Variants in DNAH1 observed in about 807,000 individuals in gnomAD.
DNAH1 encodes dynein axonemal heavy chain 1, also known as axonemal beta dynein heavy chain 1.
In DNAH1, 327 loss-of-function variants were observed where a neutral mutation model predicts 484.3. That is an observed-to-expected ratio of 0.68 (90% CI 0.62 to 0.74). The LOEUF (loss-of-function observed/expected upper bound fraction) is 0.74. Ranked by LOEUF, DNAH1 falls within the 30% of genes least tolerant of loss-of-function variation. DNAH1 has a pLI of 0.00. For missense variants in DNAH1, 5,052 were observed against 5,546.8 expected (o/e 0.91, Z 2.83); for synonymous variants, 2,192 against 2,191.9 (o/e 1.00, Z 0.00).
Position 52,388,333 on chromosome 3 carries a change from G to T in DNAH1, c.9170G>T (p.Arg3057Leu). Residue 3057 changes from arginine (R) to leucine (L), a missense_variant and splice_region_variant, in exon 57 of 78, where the codon CGG becomes CTG. By Grantham distance (102) the Arg-to-Leu change is moderately radical (BLOSUM62 -2). Around this residue, in one of 4 missense-constraint regions of DNAH1, gnomAD observed 2,929 missense variants for 3,409.4 expected, o/e 0.86. Coordinates refer to ENST00000420323, the MANE Select transcript of DNAH1 (RefSeq NM_015512.5). The part of the protein sequence containing the change: ...HFVAKAVEPK[R>L]QALLEAQDDL... ...GTGGCCAAGGCCGTGGAGCCCAAGC[G>T]GGTGAGGGCTGAGTGGAGCTGGTGG... The T allele has an allele frequency of 6.2e-7, 1 of 1,602,748 alleles. No individual in the cohort carries two copies.
chr3:52,345,585 C>T lies in DNAH1; in HGVS notation c.1535C>T (p.Ala512Val), dbSNP rs1457614654. The change falls in exon 10 of 78, where the codon GCC (alanine) becomes GTC (valine). Residue 512 changes from alanine to valine, a missense_variant. Ala to Val is a moderately conservative substitution (Grantham distance 64). This residue lies in a region of DNAH1 where 1,263 missense variants were observed against 1,218.8 expected (regional missense o/e 1.04). Transcript: ENST00000420323. ...SLLTRPEVIT[A>V]LSKVRAECNK... is the part of the protein sequence containing the mutation. ...CTCACACGGCCAGAGGTCATCACGG[C>T]CCTCAGCAAGGTGAGGGCCGAGTGC... The T allele has an allele frequency of 6.2e-7, 1 of 1,603,352 alleles. No homozygotes were observed. The highest frequency in any genetic ancestry group is 2.3e-5 in the East Asian group (1 of 44,366).
intron 5 of DNAH1, among the ~76,000 whole-genome samples, chr3:52,327,157 C>T (rs1701376870): frequency 6.6e-6 from 1 of 151,958 alleles, no homozygotes; most frequent in Admixed American, 6.6e-5. Context: ...CCGTGCCACC[C>T]ATGGGCAACC....
chr3:52,321,703 G>T (rs1003911257), intron 1 of DNAH1: 2 of 152,262 alleles, frequency 1.3e-5, no homozygotes, highest in African/African-American at 4.8e-5. Context: ...CATAAGACGG[G>T]AGGGTATACG....
intron 44 of DNAH1, 53 bp downstream of exon 44, chr3:52,373,106 G>T: frequency 1.3e-6 from 2 of 1,532,812 alleles, no homozygotes; most frequent in Non-Finnish European, 1.8e-6. Context: ...GCTGTGCAGG[G>T]GCACAGGAGG....
In DNAH1 at chr3:52,349,873, T is replaced by G. The variant is rs150089189; in HGVS notation, c.2527-116T>G. 126 of 1,404,042 alleles carry G rather than the reference T, an allele frequency of 9.0e-5. 2 individuals carry two copies. In the African/African-American group the frequency reaches 1.5e-3, roughly 16 times the overall value. The allele number at this position is 1,404,042 out of a possible 1,614,324, so 87.0% of individuals were successfully genotyped here. A position where few individuals can be genotyped will look rare whatever the true frequency, so the allele number is the denominator to read the frequency against. On this transcript the variant is annotated intron_variant, in intron 14 of 77. Coordinates refer to ENST00000420323, the MANE Select transcript of DNAH1 (RefSeq NM_015512.5). Reference sequence around the variant, plus strand: ...CCTCTTGGAAAGCGCCGCAGGATGTTGTGGTGGAGGGGACAGTTACCTGTC... The same window carrying G: ...CCTCTTGGAAAGCGCCGCAGGATGTGGTGGTGGAGGGGACAGTTACCTGTC...
rs1160795014 is a variant in DNAH1, at chr3:52,342,519, G to A, written c.1287-1971G>A. Among the ~76,000 whole-genome samples, 12 of 152,286 alleles carry A rather than the reference G, an allele frequency of 7.9e-5. 1 individual carries two copies. Among genetic ancestry groups the A allele is most frequent in the Middle Eastern group, 3.4e-3 (1 of 294 alleles). The stretch of plus-strand genomic sequence containing the variant: ...GAGATATATTTGAGGTTTCCTCAGC[G>A]GTGGAGCCAATGAGAGCTGCTAATG... On this transcript the variant is annotated intron_variant, in intron 8 of 77. Transcript: ENST00000420323.
At chr3:52,351,202 C>T (rs1702365533) in intron 16 of DNAH1, among the ~76,000 whole-genome samples, 1 of 152,232 alleles carries the variant, frequency 6.6e-6, no homozygotes, top group Admixed American at 6.5e-5. Flanking sequence ...GGCTGGTGCC[C>T]TTTGGGGTTC....
intron 5 of DNAH1, 103 bp from the exon 6 acceptor site, chr3:52,327,779 G>T (rs1222474499): frequency 1.4e-6 from 2 of 1,380,140 alleles, no homozygotes; most frequent in Non-Finnish European, 2.0e-6. Context: ...TCTCTCACCT[G>T]GGGAGGGTAT....
chr3:52,369,957 C>T lies in DNAH1; in HGVS notation c.6076C>T (p.Leu2026=), dbSNP rs1281925373. The change falls in exon 38 of 78, where the codon CTG becomes TTG. Residue 2026 remains leucine, a synonymous_variant. Transcript: ENST00000420323. The part of the protein sequence containing the change: ...MPFIECWLRK[L]PPLLKPYEEH... ...CTTCATCGAGTGCTGGCTGAGGAAG[C>T]TGCCTCCCTTGCTGAAGCCCTATGA... 2.5e-6 allele frequency: 4 copies of T among 1,613,984 alleles called. No individual in the cohort carries two copies. The South Asian group carries it at 3.3e-5, about 13-fold the overall frequency.
Position 52,364,701 on chromosome 3 carries a change from C to T in DNAH1, c.5308C>T (p.Arg1770Ter), listed in dbSNP as rs774298278. Residue 1770 changes from arginine (R) to a stop codon, truncating the protein, a stop_gained, in exon 33 of 78, where the codon CGA becomes TGA. Transcript: ENST00000420323. LOFTEE classifies it high-confidence loss of function. The surrounding 1 kb of genome is among the most constrained non-coding windows in gnomAD (Gnocchi z 4.2). ...GATCTCGGCTGCTGGGAACCTCAAG[C>T]GAGAAAACCCCAGCATGAATGAGGT... ...TVISAAGNLK[R>*]ENPSMNEELI... 15 of 1,613,424 alleles carry T rather than the reference C, an allele frequency of 9.3e-6. No individual in the cohort carries two copies. Among genetic ancestry groups the T allele is most frequent in the African/African-American group, 2.7e-5 (2 of 74,896 alleles).
At chr3:52,322,952 C>T (rs1180571127) in intron 2 of DNAH1, among the ~76,000 whole-genome samples, 177 bp downstream of exon 2, 1 of 152,200 alleles carries the variant, frequency 6.6e-6, no homozygotes, top group Admixed American at 6.5e-5. Context: ...TCCTTCCATC[C>T]ATTTTTCTCA....
chr3:52,376,507 C>T (rs899818698), intron 46 of DNAH1, among the ~76,000 whole-genome samples: 2 of 152,176 alleles, frequency 1.3e-5, no homozygotes, highest in East Asian at 1.9e-4. Context: ...TGCTTACCTG[C>T]GCCCTGCCTT....
At chr3:52,354,710 C>T (rs1193779910) in intron 20 of DNAH1, 133 bp from the exon 21 acceptor site, 33 of 750,930 alleles carry the variant, frequency 4.4e-5, no homozygotes, top group Non-Finnish European at 6.1e-5. Context: ...CCAGACAAGC[C>T]GAGAGTATTT....
In DNAH1 at chr3:52,399,192, T is replaced by A; in HGVS notation, c.12432T>A (p.Phe4144Leu). ...KFVISIDTIS[F>L]DFKVMFEAPS... ...TCATCTCCATTGACACCATCTCCTT[T>A]GATTTCAAGGTCTGGGCACAGCCAG... Residue 4144 changes from phenylalanine (F) to leucine (L), a missense_variant, in exon 76 of 78, where the codon TTT becomes TTA. Physicochemically the swap from Phe to Leu is conservative, Grantham distance 22. Transcript: ENST00000420323. 3 of 1,607,266 alleles carry A rather than the reference T, an allele frequency of 1.9e-6. No homozygotes were observed. Among genetic ancestry groups the A allele is most frequent in the Non-Finnish European group, 2.6e-6 (3 of 1,175,802 alleles).
At chr3:52,366,660 C>T (rs969727211) in intron 35 of DNAH1, 73 bp from the exon 36 acceptor site, 11 of 1,565,342 alleles carry the variant, frequency 7.0e-6, no homozygotes, top group Admixed American at 3.6e-5. Flanking sequence ...ATACCCCTCC[C>T]CCTCCCCTTG....
intron 77 of DNAH1, 96 bp from the exon 78 acceptor site, chr3:52,400,220 CCCTCCCTGT>C: frequency 6.7e-7 from 1 of 1,494,988 alleles, no homozygotes; most frequent in South Asian, 1.2e-5. Context: ...GGTCAGGGCC[CCCTCCCTGT>C]CCTCAGCTTA....
At chr3:52,389,432 G>C in intron 59 of DNAH1, 29 bp from the exon 60 acceptor site, 1 of 1,610,694 alleles carries the variant, frequency 6.2e-7, no homozygotes, top group South Asian at 1.1e-5. Context: ...TGTCATGGTG[G>C]GGTGGTCCTG....
rs775936085 is a variant in DNAH1, at chr3:52,322,484, C to G, written c.42C>G (p.Thr14=). The part of the protein sequence containing the change: ...PNSKGYSLGR[T]PQGPECSSAP... ...GTAAAGGCTATAGCCTGGGAAGGACCCCTCAGGGCCCAGAGTGCAGCAGTG... is the reference window on the plus strand; with the variant it reads ...GTAAAGGCTATAGCCTGGGAAGGACGCCTCAGGGCCCAGAGTGCAGCAGTG... The change falls in exon 2 of 78, where the codon ACC becomes ACG. Residue 14 remains threonine (T), a synonymous_variant. Coordinates refer to ENST00000420323, the MANE Select transcript of DNAH1 (RefSeq NM_015512.5). The G allele has an allele frequency of 6.2e-7, 1 of 1,613,012 alleles. No homozygotes were observed. The highest frequency in any genetic ancestry group is 2.2e-5 in the East Asian group (1 of 44,876).
chr3:52,348,073 GC>G, intron 12 of DNAH1, 99 bp downstream of exon 12: 1 of 1,283,662 alleles, frequency 7.8e-7, no homozygotes, highest in South Asian at 1.5e-5. Flanking sequence ...TGTATCACAG[GC>G]CTCCTGTCGG....
Sources: gnomAD v4.1 joint callset for allele counts (sites outside exome capture counted in the v4.1 genomes callset) on GRCh38, gnomAD v4.1.1 for gene constraint, gnomAD v4.1.1 regional missense constraint, Gnocchi (gnomAD v3.1) non-coding constraint, MANE v1.5 for transcripts, NCBI Gene and HGNC (gene_info 2026-07-23, HGNC 2026-07-21) for gene names.